Variants in ARSK observed in about 807,000 individuals in gnomAD.
The protein encoded by ARSK is arylsulfatase family member K.
In ARSK, 37 loss-of-function variants were observed where a neutral mutation model predicts 53.2. The observed-to-expected ratio is 0.70, with a 90% CI of 0.54 to 0.92. The LOEUF is 0.92. Among genes scored for constraint, ARSK ranks in the 40% least tolerant of loss-of-function variants. The pLI, the probability that ARSK is intolerant of heterozygous loss-of-function variation, is 0.00. For synonymous variants in ARSK, 208 were observed against 223.2 expected, an observed-to-expected ratio of 0.93 and a Z score of 0.61; for missense variants, 613 against 643.0, an observed-to-expected ratio of 0.95 and a Z score of 0.51.
intron 1 of ARSK, among the ~76,000 whole-genome samples, chr5:95,559,012 G>A (rs1017138614): frequency 1.3e-5 from 2 of 152,104 alleles, no homozygotes; most frequent in Admixed American, 1.3e-4. Context: ...GTGGTGGCAG[G>A]CACCTGTAAT....
intron 7 of ARSK, 38 bp downstream of exon 7, chr5:95,601,109 T>C (rs1749396105): frequency 6.7e-7 from 1 of 1,500,938 alleles, no homozygotes; most frequent in Admixed American, 1.7e-5. Context: ...TAATATTATG[T>C]GTAATGAACT....
At chr5:95,591,973 C>G (rs1347087209) in intron 6 of ARSK, among the ~76,000 whole-genome samples, 1 of 152,172 alleles carries the variant, frequency 6.6e-6, no homozygotes, top group Non-Finnish European at 1.5e-5. Flanking sequence ...TAAGCATTTC[C>G]TTTCTGAATT....
Position 95,603,422 on chromosome 5 carries a change from A to C in ARSK, c.1507A>C (p.Ile503Leu). ...QSIGQNYSNV[I>L]ANLRWHQDWQ... is the part of the protein sequence containing the mutation. ...TATAGGACAGAATTATTCAAACGTT[A>C]TAGCAAATCTTAGGTGGCACCAAGA... Residue 503 changes from isoleucine (I) to leucine (L), a missense_variant, in exon 8 of 8, where the codon ATA becomes CTA. Coordinates refer to ENST00000380009, the MANE Select transcript of ARSK (RefSeq NM_198150.3). 6.2e-7 allele frequency: 1 copy of C among 1,613,878 alleles called. No individual in the cohort carries two copies. Among genetic ancestry groups the C allele is most frequent in the East Asian group, 2.2e-5 (1 of 44,846 alleles).
rs749670118 is a variant in ARSK at position 95,600,963 on chromosome 5, AGT to A, written c.1215_1216del (p.Ser405ArgfsTer6). On this transcript the variant is annotated frameshift_variant, in exon 7 of 8. Transcript: ENST00000380009. LOFTEE classifies it high-confidence loss of function. ...AAACCTGCATCCACCCTGGATTCTGAGTGAATTCCATGGATGTAATGTGAATG... is the reference window on the plus strand; with the variant it reads ...AAACCTGCATCCACCCTGGATTCTGAGAATTCCATGGATGTAATGTGAATG... ...VKNLHPPWILSEFHGCNVNAS... is the reference protein window; with the variant it reads ...VKNLHPPWILXEFHGCNVNAS... 5 of 1,613,972 alleles carry A rather than the reference AGT, an allele frequency of 3.1e-6. No individual in the cohort carries two copies. Among genetic ancestry groups the A allele is most frequent in the Admixed American group, 3.3e-5 (2 of 60,000 alleles).
chr5:95,581,589 A>G (rs1749020861), intron 3 of ARSK, among the ~76,000 whole-genome samples: 1 of 152,214 alleles, frequency 6.6e-6, no homozygotes, highest in African/African-American at 2.4e-5. Context: ...GATTGAAAAG[A>G]AAGTACTTTG....
intron 3 of ARSK, 42 bp downstream of exon 3, chr5:95,568,091 C>G (rs1466612555): frequency 3.8e-6 from 6 of 1,591,244 alleles, no homozygotes; most frequent in Non-Finnish European, 5.1e-6. Flanking sequence ...CTGCCCTCTG[C>G]CATAGCGTGT....
In ARSK at chr5:95,555,983, C is replaced by G. The variant is rs1272356301; in HGVS notation, c.126+579C>G. ...AATGTGGCTGAATCCCAAACTTAAA[C>G]AGTTTTTGAAACTTTCCCAAGCCAA... On this transcript the variant is annotated intron_variant, in intron 1 of 7. Coordinates refer to ENST00000380009, the MANE Select transcript of ARSK (RefSeq NM_198150.3). This position sits in a 1 kb window ranked among gnomAD's most constrained non-coding sequence, Gnocchi z 4.0. 6.6e-6 allele frequency among the ~76,000 whole-genome samples: 1 copy of G among 152,212 alleles called. No individual in the cohort carries two copies. Among genetic ancestry groups the G allele is most frequent in the Non-Finnish European group, 1.5e-5 (1 of 68,032 alleles).
chr5:95,585,744 A>G (rs1449177735), intron 4 of ARSK, among the ~76,000 whole-genome samples: 1 of 152,130 alleles, frequency 6.6e-6, no homozygotes, highest in Non-Finnish European at 1.5e-5. Flanking sequence ...GAGTGCACCA[A>G]AATCTCAGAA....
chr5:95,586,355 A>G lies in ARSK; in HGVS notation c.700-207A>G, dbSNP rs963415508. Among the ~76,000 whole-genome samples, 3 of 152,138 alleles carry G rather than the reference A, an allele frequency of 2.0e-5. No individual in the cohort carries two copies. In the East Asian group the frequency reaches 5.8e-4, roughly 29 times the overall value. The stretch of plus-strand genomic sequence containing the variant: ...TACCACTATCTCATGATATATATAC[A>G]CATATTGATATATACCTTTTGTTAT... On this transcript the variant is annotated intron_variant, in intron 4 of 7. Coordinates refer to ENST00000380009, the MANE Select transcript of ARSK (RefSeq NM_198150.3).
At chr5:95,591,689 C>T in intron 6 of ARSK, 64 bp downstream of exon 6, 1 of 1,502,434 alleles carries the variant, frequency 6.7e-7, no homozygotes, top group Non-Finnish European at 9.3e-7. Flanking sequence ...CTGAAGTTGT[C>T]AGTGAGTCAG....
At chr5:95,579,865 G>C (rs1748993064) in intron 3 of ARSK, among the ~76,000 whole-genome samples, 1 of 152,186 alleles carries the variant, frequency 6.6e-6, no homozygotes, top group Non-Finnish European at 1.5e-5. Flanking sequence ...CCATATCTGA[G>C]CTCCTACCTG....
At chr5:95,602,540 G>A (rs1464766537) in intron 7 of ARSK, among the ~76,000 whole-genome samples, 1 of 152,060 alleles carries the variant, frequency 6.6e-6, no homozygotes, top group Non-Finnish European at 1.5e-5. Flanking sequence ...AACATACAGT[G>A]TTCATTTACT....
At chr5:95,560,611 A>G (rs1748612558) in intron 1 of ARSK, among the ~76,000 whole-genome samples, 1 of 152,068 alleles carries the variant, frequency 6.6e-6, no homozygotes, top group African/African-American at 2.4e-5. Context: ...TGATCTTTTA[A>G]ACAAATGGTG....
chr5:95,578,773 T>C (rs4518428), intron 3 of ARSK, among the ~76,000 whole-genome samples: 28,045 of 152,150 alleles, frequency 0.18, 3,761 homozygotes, highest in African/African-American at 0.38. Flanking sequence ...TTTTAAGGTA[T>C]ATTTTTTCAG....
intron 1 of ARSK, among the ~76,000 whole-genome samples, chr5:95,559,630 C>G (rs1438711771): frequency 6.6e-6 from 1 of 152,090 alleles, no homozygotes; most frequent in Non-Finnish European, 1.5e-5. Flanking sequence ...GTGATCATCT[C>G]AATAGATGCA....
At chr5:95,599,722 T>A (rs1282340891) in intron 6 of ARSK, among the ~76,000 whole-genome samples, 1 of 152,182 alleles carries the variant, frequency 6.6e-6, no homozygotes, top group Admixed American at 6.5e-5. Context: ...CCAAGGAAAA[T>A]GGAAGCTACA....
At chr5:95,598,499 T>C (rs1749347825) in intron 6 of ARSK, among the ~76,000 whole-genome samples, 1 of 152,190 alleles carries the variant, frequency 6.6e-6, no homozygotes, top group Non-Finnish European at 1.5e-5. Flanking sequence ...TTTTATTCTA[T>C]CAATAATAGA....
At chr5:95,587,198 C>G (rs1265442761) in intron 5 of ARSK, among the ~76,000 whole-genome samples, 3 of 152,130 alleles carry the variant, frequency 2.0e-5, no homozygotes, top group Non-Finnish European at 4.4e-5. Context: ...AAAGTTTCTC[C>G]ATGTATATTC....
intron 3 of ARSK, among the ~76,000 whole-genome samples, chr5:95,570,249 C>T (rs1195205063): frequency 6.6e-6 from 1 of 152,258 alleles, no homozygotes; most frequent in Non-Finnish European, 1.5e-5. Context: ...CCTCCAGTCT[C>T]ATTTCATACC....
Sources: gnomAD v4.1 joint callset for allele counts (sites outside exome capture counted in the v4.1 genomes callset) on GRCh38, gnomAD v4.1.1 for gene constraint, Gnocchi (gnomAD v3.1) non-coding constraint, MANE v1.5 for transcripts, NCBI Gene and HGNC (gene_info 2026-07-23, HGNC 2026-07-21) for gene names.